The following IMP4 variants were observed in gnomAD, a reference collection of about 807,000 sequenced individuals.
The protein encoded by IMP4 is U3 small nucleolar ribonucleoprotein IMP4.
In IMP4, 30 loss-of-function variants were observed where a neutral mutation model predicts 42.7. The ratio of observed to expected loss-of-function variants is 0.70; its 90% CI spans 0.53 to 0.95. The LOEUF is 0.95. Among genes scored for constraint, IMP4 ranks in the 40% least tolerant of loss-of-function variants. The probability of loss-of-function intolerance (pLI) is 0.00; values close to 1 mark genes in which losing one functional copy is unlikely to be tolerated. For missense variants in IMP4, 382 were observed against 411.4 expected, an observed-to-expected ratio of 0.93 and a Z score of 0.62; for synonymous variants, 165 against 165.2, an observed-to-expected ratio of 1.00 and a Z score of 0.01.
rs777698449 is a variant in IMP4 at position 130,346,048 on chromosome 2, G to T, written c.625G>T (p.Val209Leu). The change falls in exon 7 of 9, where the codon GTG becomes TTG. Residue 209 changes from valine (V) to leucine (L), a missense_variant. Physicochemically the swap from Val to Leu is conservative, Grantham distance 32. Coordinates refer to ENST00000259239, the MANE Select transcript of IMP4 (RefSeq NM_033416.3). ...VSDILRYLFP[V>L]PKDDSHRVIT... The stretch of plus-strand genomic sequence containing the variant: ...TGACATCCTCCGATACCTATTTCCC[G>T]TGCCCAAAGATGACAGCCACCGGGT... 10 of 1,614,078 alleles carry T rather than the reference G, an allele frequency of 6.2e-6. No homozygotes were observed. Among genetic ancestry groups the T allele is most frequent in the South Asian group, 1.1e-5 (1 of 91,076 alleles).
In IMP4 at chr2:130,344,707, G is replaced by T. The variant is rs777186535; in HGVS notation, c.191G>T (p.Gly64Val). 6.2e-7 allele frequency: 1 copy of T among 1,610,804 alleles called. No homozygotes were observed. Among genetic ancestry groups the T allele is most frequent in the Non-Finnish European group, 8.5e-7 (1 of 1,176,950 alleles). The change falls in exon 3 of 9, where the codon GGT becomes GTT. Residue 64 changes from glycine (G) to valine (V), a missense_variant. Physicochemically the swap from Gly to Val is moderately radical, Grantham distance 109. Transcript: ENST00000259239. ...TCCCTGGAGTTTGATGATGCTGGAG[G>T]TGAAGGTAACTATACAAGGTAGCCC... ...QGSLEFDDAGGEGVTSHVDDE... is the reference protein window; with the variant it reads ...QGSLEFDDAGVEGVTSHVDDE...
At position 130,342,954 on chromosome 2, in the gene IMP4, G is replaced by C; in HGVS notation, c.3+19G>C. On this transcript the variant is annotated intron_variant, in intron 1 of 8. Transcript: ENST00000259239. Reference sequence around the variant, plus strand: ...CAAGATGGTAGGAGAATGAGCTCCTGTTTCGGAGGTCCGGGGCGCGTGAAG... The same window carrying C: ...CAAGATGGTAGGAGAATGAGCTCCTCTTTCGGAGGTCCGGGGCGCGTGAAG... 6.2e-7 allele frequency: 1 copy of C among 1,614,188 alleles called. No homozygotes were observed.
chr2:130,346,327 G>T (rs1679568011), intron 8 of IMP4, 29 bp from the exon 9 acceptor site: 1 of 1,605,468 alleles, frequency 6.2e-7, no homozygotes, highest in Admixed American at 1.7e-5. Flanking sequence ...GGCTGGCTGT[G>T]CCGGGGCTGA....
At position 130,345,545 on chromosome 2, in the gene IMP4, G is replaced by A. The variant is rs1430522978; in HGVS notation, c.307-22G>A. 2 of 1,614,040 alleles carry A rather than the reference G, an allele frequency of 1.2e-6. No individual in the cohort carries two copies. The highest frequency in any genetic ancestry group is 8.5e-7 in the Non-Finnish European group (1 of 1,180,028). On this transcript the variant is annotated intron_variant, in intron 4 of 8. Coordinates refer to ENST00000259239, the MANE Select transcript of IMP4 (RefSeq NM_033416.3). This position sits in a 1 kb window ranked among gnomAD's most constrained non-coding sequence, Gnocchi z 4.9. ...AGGACACACAGCCCCAGTCCTGACTGTACACTGCCATCCACGCCCAGGAGC... is the reference window on the plus strand; with the variant it reads ...AGGACACACAGCCCCAGTCCTGACTATACACTGCCATCCACGCCCAGGAGC...
rs189819898 is a variant in IMP4 at position 130,344,208 on chromosome 2, G to T, written c.113-421G>T. Among the ~76,000 whole-genome samples the T allele has an allele frequency of 5.0e-3, 753 of 152,080 alleles. 4 individuals carry two copies. The highest frequency in any genetic ancestry group is 0.016 in the African/African-American group (674 of 41,500). On this transcript the variant is annotated intron_variant, in intron 2 of 8. Transcript: ENST00000259239. ...CCGGGCGCCGTGGCGGGCTCCTGTA[G>T]TCCCAGCTACTCGCCAGCCTGAGGC... is the stretch of plus-strand genomic sequence containing the variant.
intron 3 of IMP4, 162 bp downstream of exon 3, chr2:130,344,874 CCT>C: frequency 1.6e-6 from 1 of 621,940 alleles, no homozygotes; most frequent in Non-Finnish European, 2.9e-6. Context: ...CTGAGTGTGC[CCT>C]GTCCCACTTA....
At chr2:130,344,768 C>T (rs753832817) in intron 3 of IMP4, 56 bp downstream of exon 3, 2 of 1,164,394 alleles carry the variant, frequency 1.7e-6, no homozygotes, top group South Asian at 1.2e-5. Context: ...CCAGTCCTTC[C>T]TCAGACACAC....
In IMP4 at chr2:130,346,636, C is replaced by CT; in HGVS notation, c.*169dup. ...GTCTGTGTCATGGCCCCGCCTGCCT[C>CT]TGAGTGGTCAGGCCAAGTCTGCAGG... On this transcript the variant is annotated 3_prime_UTR_variant, in exon 9 of 9. Coordinates refer to ENST00000259239, the MANE Select transcript of IMP4 (RefSeq NM_033416.3). The CT allele has an allele frequency of 1.5e-6, 1 of 648,186 alleles. No homozygotes were observed. The highest frequency in any genetic ancestry group is 2.7e-5 in the East Asian group (1 of 36,672). The allele number at this position is 648,186 out of a possible 1,614,324, so 40.2% of individuals were successfully genotyped here.
Position 130,345,782 on chromosome 2 carries a change from G to A in IMP4, c.443G>A (p.Gly148Glu). Residue 148 changes from glycine to glutamate, a missense_variant, in exon 6 of 9, where the codon GGG becomes GAG. Coordinates refer to ENST00000259239, the MANE Select transcript of IMP4 (RefSeq NM_033416.3). This position sits in a 1 kb window ranked among gnomAD's most constrained non-coding sequence, Gnocchi z 4.9. Reference protein sequence around the residue: ...VVHEHRGTPVGLIVSHLPFGP... With the variant: ...VVHEHRGTPVELIVSHLPFGP... ...GACAGCCACCTTTCCCCGCCAGTGG[G>A]GCTCATCGTCAGCCACCTGCCCTTT... The A allele has an allele frequency of 6.2e-7, 1 of 1,613,552 alleles. No homozygotes were observed. The highest frequency in any genetic ancestry group is 8.5e-7 in the Non-Finnish European group (1 of 1,180,036).
At position 130,346,671 on chromosome 2, in the gene IMP4, A is replaced by G. The variant is rs986300591; in HGVS notation, c.*203A>G. 26 of 605,194 alleles carry G rather than the reference A, an allele frequency of 4.3e-5. No homozygotes were observed. Among genetic ancestry groups the G allele is most frequent in the Non-Finnish European group, 6.8e-5 (23 of 338,704 alleles). 37.5% of individuals were successfully genotyped at this position (605,194 alleles called of 1,614,324 possible). A position where few individuals can be genotyped will look rare whatever the true frequency, so the allele number is the denominator to read the frequency against. On this transcript the variant is annotated 3_prime_UTR_variant, in exon 9 of 9. Coordinates refer to ENST00000259239, the MANE Select transcript of IMP4 (RefSeq NM_033416.3). ...AGGCCAAGTCTGCAGGGCAAAGCCC[A>G]TGGGATCCCTTTGGGTGGGGACCTG...
chr2:130,346,623 G>A lies in IMP4; in HGVS notation c.*155G>A. 1.5e-6 allele frequency: 1 copy of A among 661,300 alleles called. No homozygotes were observed. The highest frequency in any genetic ancestry group is 2.7e-6 in the Non-Finnish European group (1 of 374,770). 41.0% of individuals were successfully genotyped at this position (661,300 alleles called of 1,614,324 possible). A position where few individuals can be genotyped will look rare whatever the true frequency, so the allele number is the denominator to read the frequency against. ...GTCTGAATAAACCGTCTGTGTCATG[G>A]CCCCGCCTGCCTCTGAGTGGTCAGG... On this transcript the variant is annotated 3_prime_UTR_variant, in exon 9 of 9. Coordinates refer to ENST00000259239, the MANE Select transcript of IMP4 (RefSeq NM_033416.3).
In IMP4 at chr2:130,346,283, G is replaced by C. The variant is rs1679563531; in HGVS notation, c.763+9G>C. 1 of 1,614,010 alleles carries C rather than the reference G, an allele frequency of 6.2e-7. No homozygotes were observed. The highest frequency in any genetic ancestry group is 8.5e-7 in the Non-Finnish European group (1 of 1,179,936). ...CCGCTTTGAGCTGAAGCGTGAGTTT[G>C]AGGCTGAATCCCGTGTCTGGGGTGG... On this transcript the variant is annotated intron_variant, in intron 8 of 8. Transcript: ENST00000259239.
intron 2 of IMP4, 79 bp from the exon 3 acceptor site, chr2:130,344,550 C>A: frequency 1.1e-6 from 1 of 911,220 alleles, no homozygotes; most frequent in Non-Finnish European, 1.8e-6. Context: ...CATGTGCAGG[C>A]TAATAAGCTG....
Position 130,347,107 on chromosome 2 carries a change from T to TTTGGC in IMP4, c.*640_*644dup, listed in dbSNP as rs1444731341. Reference sequence around the variant, plus strand: ...ATAGACACTTAGGTCGTTTTCATAGTTTGGCAGTTGTGGAAATGCTGCAGT... The same window carrying TTTGGC: ...ATAGACACTTAGGTCGTTTTCATAGTTTGGCTTGGCAGTTGTGGAAATGCTGCAGT... On this transcript the variant is annotated 3_prime_UTR_variant, in exon 9 of 9. Transcript: ENST00000259239. The TTTGGC allele has an allele frequency of 6.5e-6, 1 of 153,638 alleles. No homozygotes were observed. The highest frequency in any genetic ancestry group is 6.4e-5 in the Admixed American group (1 of 15,532). The allele number at this position is 153,638 out of a possible 1,614,324, so 9.5% of individuals were successfully genotyped here.
At position 130,347,607 on chromosome 2, in the gene IMP4, C is replaced by T. The variant is rs774422539; in HGVS notation, c.*1139C>T. 1 of 152,236 alleles carries T rather than the reference C, an allele frequency of 6.6e-6. No homozygotes were observed. The highest frequency in any genetic ancestry group is 1.5e-5 in the Non-Finnish European group (1 of 68,056). The allele number at this position is 152,236 out of a possible 1,614,324, so 9.4% of individuals were successfully genotyped here. On this transcript the variant is annotated 3_prime_UTR_variant, in exon 9 of 9. Transcript: ENST00000259239. ...GGGAAGCGATTAGGTCCTGAGGACT[C>T]TGCCCTCTTGCATAGAATTAGTGCT... is the stretch of plus-strand genomic sequence containing the variant.
chr2:130,346,476 C>T lies in IMP4; in HGVS notation c.*8C>T, dbSNP rs11542414. 0.14 allele frequency: 222,100 copies of T among 1,538,638 alleles called. 21,732 individuals are homozygous for T. The highest frequency in any genetic ancestry group is 0.43 in the East Asian group (17,657 of 41,316). On this transcript the variant is annotated 3_prime_UTR_variant, in exon 9 of 9. Coordinates refer to ENST00000259239, the MANE Select transcript of IMP4 (RefSeq NM_033416.3). The stretch of plus-strand genomic sequence containing the variant: ...TTCCTGAGCACCGAGTGAGCACACT[C>T]ACCACTCAGTCAGGACATGGACTTG...
Position 130,345,695 on chromosome 2 carries a change from A to G in IMP4, c.435A>G (p.Thr145=). 9 of 1,613,628 alleles carry G rather than the reference A, an allele frequency of 5.6e-6. No individual in the cohort carries two copies. The highest frequency in any genetic ancestry group is 7.6e-6 in the Non-Finnish European group (9 of 1,179,978). The change falls in exon 5 of 9, where the codon ACA becomes ACG. Residue 145 remains threonine, a synonymous_variant. Coordinates refer to ENST00000259239, the MANE Select transcript of IMP4 (RefSeq NM_033416.3). This position sits in a 1 kb window ranked among gnomAD's most constrained non-coding sequence, Gnocchi z 4.9. ...TGGTCGTTCACGAGCATCGGGGCAC[A>G]CCTGGTAAGGCCGGAGGGAGGGAGT... is the stretch of plus-strand genomic sequence containing the variant. ...DLLVVHEHRG[T]PVGLIVSHLP... is the part of the protein sequence containing the mutation.
intron 8 of IMP4, 29 bp downstream of exon 8, chr2:130,346,303 G>C (rs1457772310): frequency 6.2e-7 from 1 of 1,612,376 alleles, no homozygotes; most frequent in Admixed American, 1.7e-5. Context: ...CCCGTGTCTG[G>C]GGTGGGGAGG....
rs1679452729 is a variant in IMP4 at position 130,345,409 on chromosome 2, G to C, written c.230G>C (p.Trp77Ser). Residue 77 changes from tryptophan to serine, a missense_variant, in exon 4 of 9, where the codon TGG (tryptophan) becomes TCG (serine). Trp to Ser is a radical substitution (Grantham distance 177). Transcript: ENST00000259239. This position sits in a 1 kb window ranked among gnomAD's most constrained non-coding sequence, Gnocchi z 4.9. ...VTSHVDDEYR[W>S]AGVEDPKVMI... ...AGCCACGTGGATGATGAATACCGAT[G>C]GGCAGGAGTCGAGGATCCCAAGGTT... The C allele has an allele frequency of 1.2e-6, 2 of 1,613,930 alleles. No individual in the cohort carries two copies. Among genetic ancestry groups the C allele is most frequent in the African/African-American group, 2.7e-5 (2 of 74,908 alleles).
Sources: allele counts gnomAD v4.1 joint callset (sites outside exome capture counted in the v4.1 genomes callset), GRCh38; gene constraint gnomAD v4.1.1; non-coding constraint Gnocchi (gnomAD v3.1); transcripts MANE v1.5; gene names NCBI Gene and HGNC (gene_info 2026-07-23, HGNC 2026-07-21).